Variants in NRG3 observed in about 807,000 individuals in gnomAD.
NRG3 encodes the protein neuregulin 3, also known as pro-neuregulin-3, membrane-bound isoform.
In NRG3, 31 loss-of-function variants were observed where a neutral mutation model predicts 66.9. The ratio of observed to expected loss-of-function variants is 0.46; its 90% confidence interval spans 0.35 to 0.63. The LOEUF is 0.63. Ranked by LOEUF, NRG3 falls within the 20% of genes least tolerant of loss-of-function variation. The probability of loss-of-function intolerance (pLI) is 0.00; values close to 1 mark genes in which losing one functional copy is unlikely to be tolerated. For synonymous variants in NRG3, 393 were observed against 359.4 expected, an observed-to-expected ratio of 1.09 and a Z score of -1.06; for missense variants, 910 against 878.9, an observed-to-expected ratio of 1.04 and a Z score of -0.45.
At chr10:82,482,537 A>G (rs1302791888) in intron 2 of NRG3, among the ~76,000 whole-genome samples, 5 of 152,146 alleles carry the variant, frequency 3.3e-5, no homozygotes, top group Non-Finnish European at 7.3e-5. Flanking sequence ...TGGTGTAGGG[A>G]AACAGGCAAG....
At chr10:82,162,567 G>A (rs542582797) in intron 1 of NRG3, among the ~76,000 whole-genome samples, 307 of 152,280 alleles carry the variant, frequency 2.0e-3, no homozygotes, top group African/African-American at 7.2e-3. Context: ...AAGGGCAAGA[G>A]AAGTCACTAA....
rs185186654 is a variant in NRG3, at chr10:82,277,181, C to G, written c.824-81558C>G. On this transcript the variant is annotated intron_variant, in intron 1 of 8. Transcript: ENST00000372141. ...TTTATTATTTTTATGTCTTTTGAAG[C>G]CTTTAACCCAGAAAGGCCTCTAAGT... is the stretch of plus-strand genomic sequence containing the variant. Among the ~76,000 whole-genome samples, 1,238 of 151,892 alleles carry G rather than the reference C, an allele frequency of 8.2e-3. 17 individuals carry two copies. Among genetic ancestry groups the G allele is most frequent in the African/African-American group, 0.029 (1,189 of 41,396 alleles).
intron 1 of NRG3, among the ~76,000 whole-genome samples, chr10:82,259,093 A>T: frequency 6.6e-6 from 1 of 152,250 alleles, no homozygotes. Flanking sequence ...GCCTTATGGA[A>T]TTAATGCAAC....
At chr10:82,384,936 A>T (rs1299356946) in intron 2 of NRG3, among the ~76,000 whole-genome samples, 2 of 152,168 alleles carry the variant, frequency 1.3e-5, no homozygotes, top group African/African-American at 4.8e-5. Context: ...CCTCGCCAAC[A>T]TCTGTTGTTT....
chr10:82,884,718 T>TA (rs1313817502), intron 4 of NRG3, among the ~76,000 whole-genome samples: 3 of 152,200 alleles, frequency 2.0e-5, no homozygotes, highest in African/African-American at 7.2e-5. Flanking sequence ...AAATTTTACC[T>TA]AGAGTTGTAG....
intron 2 of NRG3, among the ~76,000 whole-genome samples, chr10:82,668,800 T>A (rs1366996166): frequency 2.6e-5 from 4 of 152,040 alleles, no homozygotes; most frequent in Non-Finnish European, 5.9e-5. Context: ...GAACAAAAAA[T>A]TATGCTTTCA....
At chr10:82,938,427 C>T (rs1848285369) in intron 4 of NRG3, among the ~76,000 whole-genome samples, 1 of 152,202 alleles carries the variant, frequency 6.6e-6, no homozygotes, top group Non-Finnish European at 1.5e-5. Context: ...TCTATGCAGT[C>T]TGATATCCAC....
At chr10:81,985,882 G>A (rs942088673) in intron 1 of NRG3, among the ~76,000 whole-genome samples, 6 of 152,148 alleles carry the variant, frequency 3.9e-5, no homozygotes, top group African/African-American at 1.4e-4. Flanking sequence ...ATAACATAGC[G>A]TAGGTATATT....
intron 1 of NRG3, among the ~76,000 whole-genome samples, chr10:82,189,067 A>G (rs1393252220): frequency 6.6e-6 from 1 of 152,206 alleles, no homozygotes; most frequent in African/African-American, 2.4e-5. Context: ...TGAAATGGCT[A>G]CTTTTGAAAA....
intron 1 of NRG3, among the ~76,000 whole-genome samples, chr10:82,309,960 G>A (rs1287700079): frequency 6.6e-6 from 1 of 152,072 alleles, no homozygotes; most frequent in African/African-American, 2.4e-5. Context: ...TAAACAATAT[G>A]TGGCCATTCT....
In NRG3 at chr10:82,447,796, C is replaced by G. The variant is rs111374857; in HGVS notation, c.953+88928C>G. Among the ~76,000 whole-genome samples, 226 of 152,274 alleles carry G rather than the reference C, an allele frequency of 1.5e-3. 1 individual carries two copies. The highest frequency in any genetic ancestry group is 5.1e-3 in the African/African-American group (212 of 41,564). The stretch of plus-strand genomic sequence containing the variant: ...TTGAGGCTCCTCTGCATGTGGTATT[C>G]TAGTGGATGGGGAATTTTTCAATGA... On this transcript the variant is annotated intron_variant, in intron 2 of 8. Transcript: ENST00000372141.
chr10:82,799,698 C>G (rs1255360275), intron 3 of NRG3: 1 of 152,062 alleles, frequency 6.6e-6, no homozygotes, highest in African/African-American at 2.4e-5. Flanking sequence ...TCTAGAATCT[C>G]TAGGTCTCTA....
At chr10:82,339,430 A>G (rs1019952185) in intron 1 of NRG3, among the ~76,000 whole-genome samples, 1 of 152,152 alleles carries the variant, frequency 6.6e-6, no homozygotes, top group African/African-American at 2.4e-5. Flanking sequence ...AATGAGGGCC[A>G]GCAGAAGAAA....
intron 1 of NRG3, among the ~76,000 whole-genome samples, chr10:81,903,255 T>A (rs1227333662): frequency 6.6e-6 from 1 of 152,126 alleles, no homozygotes; most frequent in Non-Finnish European, 1.5e-5. Context: ...TCAGGCTCAT[T>A]TTTACCACCT....
At chr10:82,846,795 T>A (rs2063328007) in intron 3 of NRG3, among the ~76,000 whole-genome samples, 1 of 152,230 alleles carries the variant, frequency 6.6e-6, no homozygotes, top group South Asian at 2.1e-4. Flanking sequence ...ATTACATAAA[T>A]TCTGCAGTAG....
At chr10:82,530,812 C>T (rs1301886825) in intron 2 of NRG3, among the ~76,000 whole-genome samples, 3 of 151,566 alleles carry the variant, frequency 2.0e-5, no homozygotes, top group Non-Finnish European at 4.4e-5. Flanking sequence ...AAAGTTTTTC[C>T]TGGAGCTTTG....
intron 1 of NRG3, among the ~76,000 whole-genome samples, chr10:82,012,462 C>T (rs952085581): frequency 6.6e-6 from 1 of 152,174 alleles, no homozygotes; most frequent in African/African-American, 2.4e-5. Context: ...ACATTTGGCT[C>T]CTCATTATTT....
At chr10:82,396,090 T>G (rs1316907402) in intron 2 of NRG3, among the ~76,000 whole-genome samples, 5 of 152,218 alleles carry the variant, frequency 3.3e-5, no homozygotes, top group African/African-American at 1.2e-4. Flanking sequence ...TTTTTAAGCC[T>G]TGGCAAATTG....
intron 2 of NRG3, among the ~76,000 whole-genome samples, chr10:82,391,799 T>C (rs920250598): frequency 1.3e-5 from 2 of 151,956 alleles, no homozygotes; most frequent in Non-Finnish European, 2.9e-5. Flanking sequence ...ACTACAGCAG[T>C]TGAAATAGAC....
Sources: allele counts gnomAD v4.1 joint callset (sites outside exome capture counted in the v4.1 genomes callset), GRCh38; gene constraint gnomAD v4.1.1; transcripts MANE v1.5; gene names NCBI Gene and HGNC (gene_info 2026-07-23, HGNC 2026-07-21).